NTRK3: variants seen among roughly 807,000 people sequenced by gnomAD.
NTRK3 encodes neurotrophic receptor tyrosine kinase 3.
In NTRK3, 24 loss-of-function variants were observed where a neutral mutation model predicts 91.7. That is an observed-to-expected ratio of 0.26 (90% CI 0.19 to 0.37). The LOEUF is 0.37. NTRK3 is among the 10% of genes least tolerant of loss of function. The pLI is 1.00. For synonymous variants in NTRK3, 483 were observed against 404.0 expected (o/e 1.20, Z -2.34); for missense variants, 880 against 1,068.9 (o/e 0.82, Z 2.46).
intron 14 of NTRK3, among the ~76,000 whole-genome samples, chr15:88,004,123 T>C (rs1489183175): frequency 6.6e-6 from 1 of 152,142 alleles, no homozygotes; most frequent in Non-Finnish European, 1.5e-5. Context: ...TCAGCACCTG[T>C]GCCCTCCTCC....
chr15:87,985,922 T>C (rs1596534009), intron 14 of NTRK3, among the ~76,000 whole-genome samples: 2 of 152,328 alleles, frequency 1.3e-5, no homozygotes, highest in South Asian at 4.1e-4. Flanking sequence ...ACTAAGACTA[T>C]TCCAATGATA....
rs559825875 is a variant in NTRK3 at position 88,005,925 on chromosome 15, T to C, written c.1585+26932A>G. On this transcript the variant is annotated intron_variant, in intron 14 of 18. Transcript: ENST00000394480. ...CAAGGATAACCAGAGCATAAGAGGT[T>C]TCTGTAGGAAGGATCTCTCATCCCC... 4.6e-5 allele frequency among the ~76,000 whole-genome samples: 7 copies of C among 152,268 alleles called. No individual in the cohort carries two copies. In the East Asian group the frequency reaches 1.4e-3, roughly 29 times the overall value.
intron 17 of NTRK3, among the ~76,000 whole-genome samples, chr15:87,915,820 A>ATTGTT (rs10644319): frequency 0.013 from 1,952 of 152,248 alleles, 50 homozygotes; most frequent in African/African-American, 0.044. Context: ...AAAAGAAGAA[A>ATTGTT]TTGTTTTTTT....
At chr15:87,867,455 GAT>G (rs2064714910) in exon 19 of NTRK3, 1 of 230,076 alleles carries the variant, frequency 4.3e-6, no homozygotes, top group Non-Finnish European at 8.6e-6. Context: ...GTGTGGGGGG[GAT>G]GTTTGCAAAC....
intron 14 of NTRK3, among the ~76,000 whole-genome samples, chr15:88,019,408 A>T (rs1312727124): frequency 6.6e-6 from 1 of 152,202 alleles, no homozygotes; most frequent in African/African-American, 2.4e-5. Context: ...TTCTATGGAG[A>T]CATATGCCCT....
rs184236272 is a variant in NTRK3 at position 87,862,610 on chromosome 15, G to T, written c.*14325C>A. On this transcript the variant is annotated 3_prime_UTR_variant, in exon 19 of 19. Coordinates refer to ENST00000394480, the Ensembl canonical transcript of NTRK3. ...TGACAATTAGTTAAGAGTAGACAAT[G>T]ATGACTCTAAGATGATATCTGTGTG... is the stretch of plus-strand genomic sequence containing the variant. The T allele has an allele frequency of 2.6e-3, 592 of 227,562 alleles. 7 individuals are homozygous for T. Among genetic ancestry groups the T allele is most frequent in the Admixed American group, 0.024 (422 of 17,584 alleles). 14.1% of individuals were successfully genotyped at this position (227,562 alleles called of 1,614,324 possible). A position where few individuals can be genotyped will look rare whatever the true frequency, so the allele number is the denominator to read the frequency against.
intron 14 of NTRK3, chr15:87,978,747 T>C (rs1468411706): frequency 1.3e-5 from 3 of 233,778 alleles, no homozygotes; most frequent in East Asian, 1.2e-4. Context: ...TGTAAAGTGA[T>C]TGGTTTCCAT....
At chr15:88,199,407 C>A (rs1197541288) in intron 3 of NTRK3, among the ~76,000 whole-genome samples, 1 of 152,172 alleles carries the variant, frequency 6.6e-6, no homozygotes, top group Non-Finnish European at 1.5e-5. Flanking sequence ...ATCCCTGGTG[C>A]CAAATGGGGC....
intron 5 of NTRK3, among the ~76,000 whole-genome samples, chr15:88,155,339 A>T (rs376894328): frequency 2.0e-5 from 3 of 152,224 alleles, no homozygotes; most frequent in East Asian, 3.9e-4. Flanking sequence ...CAAGAATGTG[A>T]GTGACCTCTA....
exon 19 of NTRK3, chr15:87,873,207 G>A (rs2064867959): frequency 4.3e-6 from 1 of 231,562 alleles, no homozygotes; most frequent in Non-Finnish European, 8.5e-6. Flanking sequence ...AACCCAGAAG[G>A]ACCAAAGATC....
chr15:88,065,443 G>T (rs2046568462), intron 13 of NTRK3, among the ~76,000 whole-genome samples: 1 of 152,152 alleles, frequency 6.6e-6, no homozygotes, highest in Non-Finnish European at 1.5e-5. Flanking sequence ...GGCTCTGCTT[G>T]GTGACCAGAT....
At chr15:87,913,398 C>T (rs867179812) in intron 17 of NTRK3, among the ~76,000 whole-genome samples, 4 of 152,062 alleles carry the variant, frequency 2.6e-5, no homozygotes, top group Non-Finnish European at 5.9e-5. Context: ...CAGCAGAATC[C>T]CTGAATTGAG....
chr15:87,975,638 C>A (rs529045476), intron 14 of NTRK3, among the ~76,000 whole-genome samples: 40 of 152,264 alleles, frequency 2.6e-4, no homozygotes, highest in Admixed American at 2.6e-4. Context: ...GAGGCACCAA[C>A]CCTGGGGTAA....
rs191882682 is a variant in NTRK3, at chr15:88,147,414, G to A, written c.396-11C>T. The A allele has an allele frequency of 3.8e-4, 609 of 1,612,904 alleles. 4 individuals carry two copies. The African/African-American group carries it at 7.0e-3, about 18-fold the overall frequency. On this transcript the variant is annotated splice_polypyrimidine_tract_variant and intron_variant, in intron 5 of 18. Coordinates refer to ENST00000394480, the Ensembl canonical transcript of NTRK3. Reference sequence around the variant, plus strand: ...TTACTTGACAGGTTTCTGCAAGATTGACAAATAAAGGGAAATTTTAAAACA... The same window carrying A: ...TTACTTGACAGGTTTCTGCAAGATTAACAAATAAAGGGAAATTTTAAAACA...
chr15:88,222,609 C>G (rs2141598061), intron 3 of NTRK3, among the ~76,000 whole-genome samples: 1 of 152,302 alleles, frequency 6.6e-6, no homozygotes, highest in Non-Finnish European at 1.5e-5. Context: ...GGTGGGGAAA[C>G]TGAGGCACAT....
At chr15:88,135,451 C>T in intron 9 of NTRK3, 54 bp from the exon 10 acceptor site, 9 of 1,577,604 alleles carry the variant, frequency 5.7e-6, no homozygotes, top group Non-Finnish European at 7.7e-6. Context: ...CCACCTCCTG[C>T]AGTAGCCTTC....
At chr15:87,979,606 G>T in intron 14 of NTRK3, 1 of 664,598 alleles carries the variant, frequency 1.5e-6, no homozygotes, top group Non-Finnish European at 2.6e-6. Flanking sequence ...AAGGATAGGA[G>T]GAGGGGATTA....
At chr15:88,101,990 A>G (rs2050223015) in intron 13 of NTRK3, among the ~76,000 whole-genome samples, 1 of 152,180 alleles carries the variant, frequency 6.6e-6, no homozygotes, top group African/African-American at 2.4e-5. Context: ...CGTTGTACAC[A>G]TGTACCCTAA....
intron 13 of NTRK3, among the ~76,000 whole-genome samples, chr15:88,118,223 G>A (rs754605292): frequency 1.6e-4 from 25 of 152,196 alleles, no homozygotes; most frequent in Non-Finnish European, 3.2e-4. Context: ...GAGTTCACAG[G>A]AGAATGAGCT....
Sources: allele counts gnomAD v4.1 joint callset (sites outside exome capture counted in the v4.1 genomes callset), GRCh38; gene constraint gnomAD v4.1.1; transcripts MANE v1.5; gene names NCBI Gene and HGNC (gene_info 2026-07-23, HGNC 2026-07-21).